The following COBL variants were observed in gnomAD, a reference collection of about 807,000 sequenced individuals.
The protein encoded by COBL is protein cordon-bleu.
Under a neutral mutation model 98.8 loss-of-function variants are expected in COBL, and 51 were observed. That is an observed-to-expected ratio of 0.52 (90% confidence interval 0.41 to 0.65). The LOEUF (loss-of-function observed/expected upper bound fraction) is 0.65. Among genes scored for constraint, COBL ranks in the 30% least tolerant of loss-of-function variants. The pLI, the probability that COBL is intolerant of heterozygous loss-of-function variation, is 0.00. For missense variants in COBL, 1,617 were observed against 1,617.5 expected (o/e 1.00, Z 0.01); for synonymous variants, 634 against 651.7 (o/e 0.97, Z 0.41).
rs1429734083 is a variant in COBL at position 51,043,527 on chromosome 7, G to A, written c.1262C>T (p.Ser421Leu). ...TTTGTATTTCATGCTGTCCTGCTGC[G>A]AGTCCAGAGAGACGATGTCTGAGGG... ...SSPSDIVSLD[S>L]QQDSMKYKDK... is the part of the protein sequence containing the mutation. Residue 421 changes from serine (S) to leucine (L), a missense_variant, in exon 8 of 13, where the codon TCG (serine) becomes TTG (leucine). By Grantham distance (145) the Ser-to-Leu change is moderately radical. Around this residue, in one of 3 missense-constraint regions of COBL, gnomAD observed 1,304 missense variants for 1,282.0 expected, o/e 1.02. Coordinates refer to ENST00000265136, the MANE Select transcript of COBL (RefSeq NM_015198.5). The A allele has an allele frequency of 9.9e-6, 16 of 1,614,206 alleles. No individual in the cohort carries two copies. The highest frequency in any genetic ancestry group is 8.9e-5 in the East Asian group (4 of 44,884).
At chr7:51,085,518 C>G (rs1794147913) in intron 6 of COBL, among the ~76,000 whole-genome samples, 1 of 152,134 alleles carries the variant, frequency 6.6e-6, no homozygotes, top group East Asian at 1.9e-4. Context: ...AAGGAGTGGC[C>G]TGGAGGTGGC....
At chr7:51,105,684 G>A (rs527284321) in intron 6 of COBL, among the ~76,000 whole-genome samples, 24 of 152,146 alleles carry the variant, frequency 1.6e-4, no homozygotes, top group East Asian at 1.2e-3. Context: ...CCAGTAGTTC[G>A]AGGCTGCAGT....
At chr7:51,095,856 C>A (rs183025548) in intron 6 of COBL, among the ~76,000 whole-genome samples, 5 of 152,096 alleles carry the variant, frequency 3.3e-5, no homozygotes, top group Admixed American at 1.3e-4. Flanking sequence ...TAAATACATG[C>A]GCATCTACCA....
chr7:51,060,694 C>A (rs190500615), intron 7 of COBL, among the ~76,000 whole-genome samples: 1 of 152,322 alleles, frequency 6.6e-6, no homozygotes, highest in Non-Finnish European at 1.5e-5. Flanking sequence ...AAAACGTTTT[C>A]CTCATGACTT....
At chr7:51,230,299 T>C (rs547721775) in intron 1 of COBL, among the ~76,000 whole-genome samples, 39 of 152,302 alleles carry the variant, frequency 2.6e-4, no homozygotes, top group African/African-American at 9.1e-4. Flanking sequence ...GGGGCACCAC[T>C]GCCTCTCCTG....
Position 51,028,791 on chromosome 7 carries a change from C to G in COBL, c.2305G>C (p.Glu769Gln). The G allele has an allele frequency of 6.2e-7, 1 of 1,614,216 alleles. No individual in the cohort carries two copies. Among genetic ancestry groups the G allele is most frequent in the Non-Finnish European group, 8.5e-7 (1 of 1,180,034 alleles). ...AESQPIGKVR[E>Q]FWRCNSVEKH... ...TCCACAGAGTTGCACCTCCAGAACT[C>G]TCTGACTTTCCCAATGGGCTGAGAT... The change falls in exon 10 of 13, where the codon GAG (glutamate) becomes CAG (glutamine). Residue 769 changes from glutamate (E) to glutamine (Q), a missense_variant. Coordinates refer to ENST00000265136, the MANE Select transcript of COBL (RefSeq NM_015198.5).
intron 5 of COBL, among the ~76,000 whole-genome samples, chr7:51,176,399 TAC>T (rs1161250321): frequency 2.0e-5 from 3 of 151,868 alleles, no homozygotes; most frequent in Admixed American, 6.6e-5. Context: ...TATATATGTA[TAC>T]ACACACAGAC....
At position 51,027,862 on chromosome 7, in the gene COBL, ATTTCCAT is replaced by A; in HGVS notation, c.3227_3233del (p.Asp1076ValfsTer36). 6.2e-7 allele frequency: 1 copy of A among 1,614,166 alleles called. No homozygotes were observed. Among genetic ancestry groups the A allele is most frequent in the Non-Finnish European group, 8.5e-7 (1 of 1,180,048 alleles). On this transcript the variant is annotated frameshift_variant, in exon 10 of 13. Coordinates refer to ENST00000265136, the MANE Select transcript of COBL (RefSeq NM_015198.5). LOFTEE classifies it high-confidence loss of function. ...TGGGTGGCCAAATACTGTCTGTTTC[ATTTCCAT>A]CTGTAGAGAACACACTGGGCTTTTC...
intron 7 of COBL, among the ~76,000 whole-genome samples, chr7:51,053,102 C>G (rs1790391235): frequency 6.6e-6 from 1 of 152,104 alleles, no homozygotes; most frequent in Non-Finnish European, 1.5e-5. Context: ...TTACTTCTAA[C>G]CACTTAAGGA....
intron 1 of COBL, among the ~76,000 whole-genome samples, chr7:51,243,762 C>A (rs565972606): frequency 6.6e-6 from 1 of 152,122 alleles, no homozygotes; most frequent in South Asian, 2.1e-4. Context: ...GAGGAGGTGG[C>A]TGTGCCTGAA....
At chr7:51,281,681 T>A (rs973361013) in intron 1 of COBL, among the ~76,000 whole-genome samples, 1 of 151,492 alleles carries the variant, frequency 6.6e-6, no homozygotes, top group African/African-American at 2.4e-5. Context: ...TGTTACTATA[T>A]CCAGTAAATA....
At chr7:51,088,857 G>C (rs1409688951) in intron 6 of COBL, among the ~76,000 whole-genome samples, 1 of 152,172 alleles carries the variant, frequency 6.6e-6, no homozygotes, top group Non-Finnish European at 1.5e-5. Context: ...AGGCCTTCCC[G>C]AGTACTCTGG....
At chr7:51,118,690 T>C (rs1228378658) in intron 6 of COBL, among the ~76,000 whole-genome samples, 2 of 152,134 alleles carry the variant, frequency 1.3e-5, no homozygotes, top group Admixed American at 1.3e-4. Context: ...TGTTTTACGC[T>C]TCTATAATCT....
At chr7:51,033,345 T>A (rs1788336031) in intron 8 of COBL, 1 of 152,210 alleles carries the variant, frequency 6.6e-6, no homozygotes, top group South Asian at 2.1e-4. Context: ...AAAATATAAA[T>A]ACAACAAAGT....
rs1795480593 is a variant in COBL at position 51,098,224 on chromosome 7, C to CTTTTTCTT, written c.958-12921_958-12920insAAGAAAAA. 2.0e-5 allele frequency among the ~76,000 whole-genome samples: 2 copies of CTTTTTCTT among 100,846 alleles called. 1 individual carries two copies. Among genetic ancestry groups the CTTTTTCTT allele is most frequent in the Non-Finnish European group, 3.8e-5 (2 of 52,216 alleles). 66.2% of individuals were successfully genotyped at this position (100,846 alleles called of 152,430 possible). On this transcript the variant is annotated intron_variant, in intron 6 of 12. Transcript: ENST00000265136. ...ACTACCAAAATCCCAATAGCAGTTT[C>CTTTTTCTT]TTTTTTTTTTTTGGAGAAATAGGAA...
chr7:51,257,737 G>A (rs767006367), intron 1 of COBL, among the ~76,000 whole-genome samples: 5 of 151,544 alleles, frequency 3.3e-5, no homozygotes, highest in Non-Finnish European at 7.4e-5. Context: ...CTAATATTTG[G>A]CATTAATCAC....
chr7:51,172,512 A>G, intron 5 of COBL: 3 of 1,287,876 alleles, frequency 2.3e-6, no homozygotes, highest in Non-Finnish European at 3.0e-6. Context: ...TCTGCACCCG[A>G]CAGCACGAGC....
chr7:51,309,350 T>C (rs1282352987), intron 1 of COBL, among the ~76,000 whole-genome samples: 1 of 152,060 alleles, frequency 6.6e-6, no homozygotes, highest in East Asian at 1.9e-4. Context: ...AATCAGCAGG[T>C]CTCTGGGAAC....
Position 51,316,675 on chromosome 7 carries a change from G to A in COBL, c.-42C>T. On this transcript the variant is annotated 5_prime_UTR_variant, in exon 1 of 13. Coordinates refer to ENST00000265136, the MANE Select transcript of COBL (RefSeq NM_015198.5). ...ACGCGGGCGGTGCTCCGGGCCCGCC[G>A]AGTCAGGCGCTGGCTACCGCCGCCA... 8.4e-7 allele frequency: 1 copy of A among 1,185,764 alleles called. No homozygotes were observed. Among genetic ancestry groups the A allele is most frequent in the Non-Finnish European group, 1.0e-6 (1 of 956,582 alleles). The allele number at this position is 1,185,764 out of a possible 1,614,324, so 73.5% of individuals were successfully genotyped here.
Sources: gnomAD v4.1 joint callset for allele counts (sites outside exome capture counted in the v4.1 genomes callset) on GRCh38, gnomAD v4.1.1 for gene constraint, gnomAD v4.1.1 regional missense constraint, MANE v1.5 for transcripts, NCBI Gene and HGNC (gene_info 2026-07-23, HGNC 2026-07-21) for gene names.